GABRA2: variants seen among roughly 807,000 people sequenced by gnomAD.
GABRA2 encodes gamma-aminobutyric acid receptor subunit alpha-2.
Under a neutral mutation model 48.7 loss-of-function variants are expected in GABRA2, and 16 were observed. That is an observed-to-expected ratio of 0.33 (90% CI 0.22 to 0.50). The LOEUF (loss-of-function observed/expected upper bound fraction) is 0.50. GABRA2 is among the 20% of genes least tolerant of loss of function. The pLI is 0.98. For synonymous variants in GABRA2, 185 were observed against 184.5 expected, an observed-to-expected ratio of 1.00 and a Z score of -0.02; for missense variants, 275 against 535.6, an observed-to-expected ratio of 0.51 and a Z score of 4.80.
At chr4:46,330,589 T>TAGAGAGAGAGAGAGAGAGAG (rs1322712224) in intron 4 of GABRA2, among the ~76,000 whole-genome samples, 7 of 124,670 alleles carry the variant, frequency 5.6e-5, no homozygotes, top group East Asian at 5.8e-4. Flanking sequence ...TATATATATA[T>TAGAGAGAGAGAGAGAGAGAG]ATAGAGAGAG....
chr4:46,368,191 T>G (rs1037102907), intron 3 of GABRA2: 1 of 152,066 alleles, frequency 6.6e-6, no homozygotes, highest in Admixed American at 6.6e-5. Flanking sequence ...TAAAACTGGA[T>G]AGTTATTACT....
At chr4:46,281,641 C>T (rs756291417) in intron 8 of GABRA2, among the ~76,000 whole-genome samples, 95 of 152,224 alleles carry the variant, frequency 6.2e-4, no homozygotes, top group Non-Finnish European at 2.6e-4. Context: ...GTGTGGCAGA[C>T]CTTGCCAGGA....
At chr4:46,255,670 G>T (rs940805330) in intron 9 of GABRA2, among the ~76,000 whole-genome samples, 1 of 151,540 alleles carries the variant, frequency 6.6e-6, no homozygotes, top group African/African-American at 2.4e-5. Context: ...ATTTTAAAAT[G>T]ACATTTAGTA....
intron 3 of GABRA2, among the ~76,000 whole-genome samples, chr4:46,341,091 T>A (rs1450271056): frequency 6.6e-6 from 1 of 151,974 alleles, no homozygotes; most frequent in Non-Finnish European, 1.5e-5. Flanking sequence ...ATATATGATG[T>A]CCATCTCTTT....
intron 8 of GABRA2, among the ~76,000 whole-genome samples, chr4:46,300,772 T>A (rs949240349): frequency 6.6e-6 from 1 of 152,068 alleles, no homozygotes; most frequent in African/African-American, 2.4e-5. Flanking sequence ...TCTATAATTG[T>A]TATATATGTT....
At chr4:46,377,995 G>A (rs1362483550) in intron 3 of GABRA2, among the ~76,000 whole-genome samples, 3 of 148,928 alleles carry the variant, frequency 2.0e-5, no homozygotes, top group Admixed American at 1.3e-4. Context: ...GGGGGGGTCA[G>A]CCCCCCGCCC....
intron 4 of GABRA2, among the ~76,000 whole-genome samples, chr4:46,320,433 C>T (rs544082242): frequency 1.1e-4 from 16 of 151,640 alleles, no homozygotes; most frequent in African/African-American, 2.7e-4. Flanking sequence ...ATAAACAAGT[C>T]GACATACATC....
At chr4:46,363,376 G>A (rs1713528894) in intron 3 of GABRA2, among the ~76,000 whole-genome samples, 1 of 151,856 alleles carries the variant, frequency 6.6e-6, no homozygotes, top group Admixed American at 6.6e-5. Flanking sequence ...ATACATAGAA[G>A]GGCAGCTAAA....
chr4:46,317,882 T>A (rs1560520445), intron 4 of GABRA2, among the ~76,000 whole-genome samples: 1 of 151,786 alleles, frequency 6.6e-6, no homozygotes. Flanking sequence ...ACACATGTTG[T>A]AATTTAAAAT....
intron 3 of GABRA2, among the ~76,000 whole-genome samples, chr4:46,334,791 C>T (rs1731929318): frequency 1.3e-5 from 2 of 152,144 alleles, no homozygotes; most frequent in South Asian, 4.1e-4. Context: ...GAAATGGTTT[C>T]ATGGATTACT....
chr4:46,332,252 G>A (rs553007661), intron 4 of GABRA2, among the ~76,000 whole-genome samples: 85 of 152,204 alleles, frequency 5.6e-4, no homozygotes, highest in African/African-American at 2.0e-3. Context: ...ACCTAATTCT[G>A]TAAGAAGTCT....
Position 46,248,048 on chromosome 4 carries a change from G to A in GABRA2, c.*2260C>T, listed in dbSNP as rs925130436. ...TCTGCCATAAATGCTAATAATACTG[G>A]TGCCATCAATATAGTAGCAGCTCTT... is the stretch of plus-strand genomic sequence containing the variant. On this transcript the variant is annotated 3_prime_UTR_variant, in exon 10 of 10. Transcript: ENST00000381620. 5.3e-5 allele frequency among the ~76,000 whole-genome samples: 8 copies of A among 151,216 alleles called. No individual in the cohort carries two copies. The highest frequency in any genetic ancestry group is 1.3e-4 in the Admixed American group (2 of 15,082).
intron 8 of GABRA2, among the ~76,000 whole-genome samples, chr4:46,272,801 AAAG>A (rs1409132172): frequency 6.6e-6 from 1 of 152,090 alleles, no homozygotes; most frequent in Non-Finnish European, 1.5e-5. Flanking sequence ...GGGTTTCATG[AAAG>A]AAGATGAGGC....
At chr4:46,340,469 C>G (rs901222502) in intron 3 of GABRA2, among the ~76,000 whole-genome samples, 3 of 150,842 alleles carry the variant, frequency 2.0e-5, no homozygotes, top group African/African-American at 4.8e-5. Context: ...AAATTAAATC[C>G]CTTCTATTCT....
intron 8 of GABRA2, among the ~76,000 whole-genome samples, chr4:46,269,301 T>C (rs1200974782): frequency 1.3e-5 from 2 of 151,820 alleles, no homozygotes; most frequent in African/African-American, 4.8e-5. Flanking sequence ...TTGTAATCTA[T>C]ATGTATATAT....
rs146411095 is a variant in GABRA2 at position 46,362,072 on chromosome 4, A to T, written c.187+24002T>A. Among the ~76,000 whole-genome samples, 880 of 152,250 alleles carry T rather than the reference A, an allele frequency of 5.8e-3. 11 individuals are homozygous for T. Among genetic ancestry groups the T allele is most frequent in the African/African-American group, 0.02 (816 of 41,538 alleles). On this transcript the variant is annotated intron_variant, in intron 3 of 9. Transcript: ENST00000381620. ...CTTTGGACTGCAGACTTTTGAGATA[A>T]TGATGAAATCAGTTAAGACTTTGGG...
chr4:46,342,643 C>T (rs1733457330), intron 3 of GABRA2, among the ~76,000 whole-genome samples: 1 of 151,896 alleles, frequency 6.6e-6, no homozygotes, highest in South Asian at 2.1e-4. Context: ...ACTCTCTCAC[C>T]TTACTGTTTT....
At chr4:46,254,597 TA>T (rs1715443772) in intron 9 of GABRA2, among the ~76,000 whole-genome samples, 1 of 151,308 alleles carries the variant, frequency 6.6e-6, no homozygotes, top group African/African-American at 2.4e-5. Context: ...AGCCGATTTT[TA>T]AAAAAGGTAA....
intron 4 of GABRA2, among the ~76,000 whole-genome samples, chr4:46,313,058 T>C (rs1343029667): frequency 1.3e-5 from 2 of 151,482 alleles, no homozygotes; most frequent in East Asian, 1.9e-4. Context: ...CAGGGTCTGG[T>C]TGAATTATTT....
Sources: gnomAD v4.1 joint callset for allele counts (sites outside exome capture counted in the v4.1 genomes callset) on GRCh38, gnomAD v4.1.1 for gene constraint, MANE v1.5 for transcripts, NCBI Gene and HGNC (gene_info 2026-07-23, HGNC 2026-07-21) for gene names.